PDE11A: variants seen among roughly 807,000 people sequenced by gnomAD.
PDE11A encodes phosphodiesterase 11A.
PDE11A carries 100 observed loss-of-function variants against 100.5 expected under a neutral mutation model. The observed-to-expected ratio is 1.00, with a 90% CI of 0.85 to 1.18. PDE11A has a LOEUF of 1.18. Among genes scored for constraint, PDE11A ranks in the 50% most tolerant of loss-of-function variants. PDE11A has a pLI of 0.00. For synonymous variants in PDE11A, 381 were observed against 420.8 expected (o/e 0.91, Z 1.16); for missense variants, 1,141 against 1,152.6 (o/e 0.99, Z 0.15).
At chr2:177,960,324 TTG>T (rs2085616052) in intron 2 of PDE11A, among the ~76,000 whole-genome samples, 1 of 152,042 alleles carries the variant, frequency 6.6e-6, no homozygotes, top group African/African-American at 2.4e-5. Context: ...TTTGATACCA[TTG>T]TGTATCAAAG....
At chr2:177,667,178 C>T (rs1000803162) in intron 18 of PDE11A, among the ~76,000 whole-genome samples, 9 of 151,992 alleles carry the variant, frequency 5.9e-5, no homozygotes, top group Non-Finnish European at 8.8e-5. Flanking sequence ...CATCCCAAAG[C>T]GCTGGGATTA....
At chr2:177,874,313 C>A (rs747924631) in intron 5 of PDE11A, among the ~76,000 whole-genome samples, 3 of 152,160 alleles carry the variant, frequency 2.0e-5, no homozygotes, top group Non-Finnish European at 2.9e-5. Context: ...GCTTATAAAT[C>A]ATTTAGCATA....
intron 17 of PDE11A, among the ~76,000 whole-genome samples, chr2:177,672,672 T>C (rs1052456437): frequency 7.9e-5 from 12 of 152,174 alleles, no homozygotes; most frequent in African/African-American, 2.9e-4. Flanking sequence ...CATGTGATGA[T>C]TGCCATTGAC....
intron 16 of PDE11A, among the ~76,000 whole-genome samples, chr2:177,680,148 T>C (rs1047333213): frequency 6.6e-6 from 1 of 152,114 alleles, no homozygotes; most frequent in Non-Finnish European, 1.5e-5. Context: ...CAGTGTGCCC[T>C]AACCCTGGCC....
intron 7 of PDE11A, among the ~76,000 whole-genome samples, chr2:177,819,582 A>G (rs540880297): frequency 6.6e-6 from 1 of 152,116 alleles, no homozygotes; most frequent in Non-Finnish European, 1.5e-5. Context: ...AGGAGAATGG[A>G]GGAAGAGAAA....
intron 16 of PDE11A, among the ~76,000 whole-genome samples, chr2:177,679,511 G>C (rs1423846346): frequency 2.6e-5 from 4 of 152,152 alleles, no homozygotes; most frequent in Non-Finnish European, 4.4e-5. Context: ...ACCAGTATGG[G>C]AATTGGGGGT....
chr2:177,773,196 T>C (rs1393398125), intron 9 of PDE11A, among the ~76,000 whole-genome samples: 1 of 152,096 alleles, frequency 6.6e-6, no homozygotes, highest in Admixed American at 6.5e-5. Flanking sequence ...AATTTTTTTA[T>C]AGAAACAGGG....
chr2:178,041,938 C>T (rs1012609161), intron 1 of PDE11A, among the ~76,000 whole-genome samples: 3 of 152,124 alleles, frequency 2.0e-5, no homozygotes, highest in African/African-American at 7.2e-5. Flanking sequence ...ATCATATGCC[C>T]CAAAGTTTAG....
At chr2:177,714,318 C>A (rs1308703634) in intron 12 of PDE11A, among the ~76,000 whole-genome samples, 5 of 152,182 alleles carry the variant, frequency 3.3e-5, no homozygotes, top group African/African-American at 9.7e-5. Context: ...ATATAGCATG[C>A]ACATATTATT....
intron 6 of PDE11A, among the ~76,000 whole-genome samples, chr2:177,830,653 G>A (rs991341248): frequency 6.8e-6 from 1 of 146,684 alleles, no homozygotes; most frequent in Non-Finnish European, 1.5e-5. Flanking sequence ...TAATAATCAG[G>A]TGTTGTTTTA....
intron 13 of PDE11A, chr2:177,702,708 A>G (rs953351950): frequency 2.6e-5 from 4 of 152,192 alleles, no homozygotes; most frequent in South Asian, 2.1e-4. Flanking sequence ...GACTCCCCCA[A>G]TTCTTCTCCC....
rs1330866489 is a variant in PDE11A at position 178,095,593 on chromosome 2, C to T, written c.162+8709G>A. On this transcript the variant is annotated intron_variant, in intron 2 of 20. Transcript: ENST00000358450. ...GAGAATGGTGGCCCCCTTCTCATAGCTCCATTAGGCAATGCCCCAGTAGGG... is the reference window on the plus strand; with the variant it reads ...GAGAATGGTGGCCCCCTTCTCATAGTTCCATTAGGCAATGCCCCAGTAGGG... 2.0e-5 allele frequency among the ~76,000 whole-genome samples: 3 copies of T among 152,206 alleles called. No homozygotes were observed. The East Asian group carries it at 5.8e-4, about 29-fold the overall frequency.
chr2:178,029,869 A>G (rs1289245498), intron 1 of PDE11A, among the ~76,000 whole-genome samples: 1 of 152,078 alleles, frequency 6.6e-6, no homozygotes, highest in Non-Finnish European at 1.5e-5. Context: ...TTATCACTTG[A>G]GTGGGTTCAT....
Position 178,072,130 on chromosome 2 carries a change from GCC to G in PDE11A, c.306_307del (p.Trp102CysfsTer37). On this transcript the variant is annotated frameshift_variant, in exon 1 of 20. Transcript: ENST00000286063. LOFTEE classifies it high-confidence loss of function. ...GTTCCCATCGCCCCTGCTGCCACCG[GCC>G]CAGCTGGGACTCAAGGGAACCCCAC... is the stretch of plus-strand genomic sequence containing the variant. 6.2e-7 allele frequency: 1 copy of G among 1,613,596 alleles called. No individual in the cohort carries two copies. The highest frequency in any genetic ancestry group is 8.5e-7 in the Non-Finnish European group (1 of 1,179,608).
chr2:177,737,207 T>C (rs942327962), intron 10 of PDE11A, among the ~76,000 whole-genome samples: 2 of 150,874 alleles, frequency 1.3e-5, no homozygotes, highest in Admixed American at 1.3e-4. Flanking sequence ...GCCATTGCAC[T>C]CCAGCCCAGG....
At chr2:177,994,783 T>C (rs967849711) in intron 2 of PDE11A, among the ~76,000 whole-genome samples, 1 of 152,146 alleles carries the variant, frequency 6.6e-6, no homozygotes, top group African/African-American at 2.4e-5. Context: ...TAATTTGTAG[T>C]TTTGTTGTTT....
At chr2:177,793,375 TG>T (rs2082658736) in intron 9 of PDE11A, among the ~76,000 whole-genome samples, 2 of 152,054 alleles carry the variant, frequency 1.3e-5, no homozygotes. Flanking sequence ...TGCCTGTTCT[TG>T]AACTTACATA....
intron 2 of PDE11A, among the ~76,000 whole-genome samples, chr2:178,081,787 A>C (rs891822947): frequency 2.6e-5 from 4 of 152,228 alleles, no homozygotes; most frequent in African/African-American, 7.2e-5. Flanking sequence ...CATTTGCACA[A>C]GTAATTTTTT....
At chr2:177,658,526 C>T (rs1490095205) in intron 19 of PDE11A, among the ~76,000 whole-genome samples, 2 of 151,502 alleles carry the variant, frequency 1.3e-5, no homozygotes, top group Non-Finnish European at 2.9e-5. Flanking sequence ...CTCTCTCCTT[C>T]CCTACATTCC....
Sources: gnomAD v4.1 joint callset for allele counts (sites outside exome capture counted in the v4.1 genomes callset) on GRCh38, gnomAD v4.1.1 for gene constraint, MANE v1.5 for transcripts, NCBI Gene and HGNC (gene_info 2026-07-23, HGNC 2026-07-21) for gene names.